The following WDR7 variants were observed in gnomAD, a reference collection of about 807,000 sequenced individuals.
WDR7 encodes WD repeat-containing protein 7.
In WDR7, 46 loss-of-function variants were observed where a neutral mutation model predicts 169.4. The ratio of observed to expected loss-of-function variants is 0.27; its 90% CI spans 0.21 to 0.35. The LOEUF (loss-of-function observed/expected upper bound fraction) is 0.35. Ranked by LOEUF, WDR7 falls within the 10% of genes least tolerant of loss-of-function variation. The probability of loss-of-function intolerance (pLI) is 1.00; values close to 1 mark genes in which losing one functional copy is unlikely to be tolerated. For missense variants in WDR7, 1,534 were observed against 1,859.3 expected (o/e 0.83, Z 3.22); for synonymous variants, 612 against 666.8 (o/e 0.92, Z 1.27).
At chr18:56,653,750 T>C (rs2024706866) in intron 1 of WDR7, among the ~76,000 whole-genome samples, 1 of 152,234 alleles carries the variant, frequency 6.6e-6, no homozygotes, top group South Asian at 2.1e-4. Flanking sequence ...TTTCAGAATG[T>C]ACATCTACTA....
chr18:56,905,023 T>C (rs996744119), intron 21 of WDR7, among the ~76,000 whole-genome samples: 21 of 152,178 alleles, frequency 1.4e-4, no homozygotes, highest in African/African-American at 5.1e-4. Flanking sequence ...TTAGAGAGTA[T>C]GAAAAAGGTA....
chr18:56,832,772 A>G (rs1405858067), intron 20 of WDR7, among the ~76,000 whole-genome samples: 1 of 152,162 alleles, frequency 6.6e-6, no homozygotes, highest in Non-Finnish European at 1.5e-5. Context: ...AAACTAACAA[A>G]CAGAAAGGAA....
intron 12 of WDR7, among the ~76,000 whole-genome samples, chr18:56,700,773 G>A: frequency 1.3e-5 from 2 of 150,432 alleles, no homozygotes; most frequent in African/African-American, 2.5e-5. Flanking sequence ...GTTTCACCGT[G>A]TTAGCCAGGA....
chr18:56,845,823 G>A (rs114765507), intron 20 of WDR7, among the ~76,000 whole-genome samples: 2,060 of 151,754 alleles, frequency 0.014, 58 homozygotes, highest in African/African-American at 0.047. Context: ...AACAAGAATC[G>A]ACAAAGAAAC....
At chr18:56,667,365 T>C (rs908133818) in intron 1 of WDR7, among the ~76,000 whole-genome samples, 1 of 152,314 alleles carries the variant, frequency 6.6e-6, no homozygotes, top group Middle Eastern at 3.4e-3. Context: ...CATATTTGGT[T>C]TATCTGTCTT....
intron 26 of WDR7, among the ~76,000 whole-genome samples, chr18:56,984,377 T>C (rs887458670): frequency 2.6e-5 from 4 of 152,204 alleles, no homozygotes; most frequent in South Asian, 4.1e-4. Context: ...TAGAATACAT[T>C]TAAATGTTAT....
intron 20 of WDR7, among the ~76,000 whole-genome samples, chr18:56,878,774 G>A (rs2046064300): frequency 6.6e-6 from 1 of 152,060 alleles, no homozygotes; most frequent in South Asian, 2.1e-4. Context: ...CTATGGATTT[G>A]CCTATTCTAA....
At position 56,694,644 on chromosome 18, in the gene WDR7, G is replaced by T; in HGVS notation, c.992G>T (p.Arg331Leu). 6.2e-7 allele frequency: 1 copy of T among 1,609,528 alleles called. No homozygotes were observed. Among genetic ancestry groups the T allele is most frequent in the Non-Finnish European group, 8.5e-7 (1 of 1,177,902 alleles). Residue 331 changes from arginine (R) to leucine (L), a missense_variant, in exon 10 of 28, where the codon CGG (arginine) becomes CTG (leucine). Coordinates refer to ENST00000254442, the MANE Select transcript of WDR7 (RefSeq NM_015285.3). The part of the protein sequence containing the change: ...KELLICPPVT[R>L]FFYGCREYFH... ...TTGCTAATTTGTCCTCCTGTTACTC[G>T]GTTCTTCTATGGATGCAGAGAATAT...
At chr18:56,674,257 G>A (rs1446931770) in intron 2 of WDR7, among the ~76,000 whole-genome samples, 2 of 152,188 alleles carry the variant, frequency 1.3e-5, no homozygotes, top group Admixed American at 1.3e-4. Flanking sequence ...CCCATCAGCA[G>A]TGCATGAGGG....
At chr18:57,020,653 C>A in intron 26 of WDR7, 92 bp from the exon 27 acceptor site, 2 of 1,139,818 alleles carry the variant, frequency 1.8e-6, no homozygotes, top group Non-Finnish European at 2.6e-6. Flanking sequence ...ATACCCATGA[C>A]GTAACTTGTT....
At chr18:56,943,382 T>G (rs943111753) in intron 25 of WDR7, among the ~76,000 whole-genome samples, 2 of 152,152 alleles carry the variant, frequency 1.3e-5, no homozygotes, top group African/African-American at 4.8e-5. Flanking sequence ...TTTTTTAAAA[T>G]GTGCTCTGGG....
chr18:56,693,978 TCCCACCACAGCCTCC>T (rs1377979201), intron 9 of WDR7, among the ~76,000 whole-genome samples: 8 of 151,602 alleles, frequency 5.3e-5, no homozygotes, highest in Non-Finnish European at 1.2e-4. Flanking sequence ...CAAGTGATGC[TCCCACCACAGCCTCC>T]TGAATACCTG....
intron 12 of WDR7, among the ~76,000 whole-genome samples, chr18:56,704,542 A>G (rs1317334971): frequency 6.6e-6 from 1 of 152,200 alleles, no homozygotes; most frequent in Non-Finnish European, 1.5e-5. Context: ...CTGTCATGCT[A>G]TGAATATTAT....
At chr18:56,984,276 A>T (rs1444274865) in intron 26 of WDR7, among the ~76,000 whole-genome samples, 2 of 152,222 alleles carry the variant, frequency 1.3e-5, no homozygotes, top group African/African-American at 4.8e-5. Flanking sequence ...TCCTACCCAT[A>T]AATTTTTACT....
intron 20 of WDR7, among the ~76,000 whole-genome samples, chr18:56,877,314 A>G (rs771889979): frequency 6.6e-6 from 1 of 152,170 alleles, no homozygotes; most frequent in Non-Finnish European, 1.5e-5. Context: ...ATTTATAATA[A>G]ATATTCCTTC....
intron 26 of WDR7, among the ~76,000 whole-genome samples, chr18:56,987,284 C>CA (rs2047736220): frequency 1.9e-5 from 1 of 51,352 alleles, no homozygotes; most frequent in Non-Finnish European, 4.0e-5. Flanking sequence ...ATCATCTGTA[C>CA]CAAAAAAAAA....
At chr18:56,792,380 G>T (rs1444663511) in intron 19 of WDR7, among the ~76,000 whole-genome samples, 1 of 152,128 alleles carries the variant, frequency 6.6e-6, no homozygotes, top group Non-Finnish European at 1.5e-5. Context: ...TGGGAATTCA[G>T]TGGAAAGAGT....
chr18:56,995,757 C>G (rs1194673904), intron 26 of WDR7, among the ~76,000 whole-genome samples: 1 of 152,222 alleles, frequency 6.6e-6, no homozygotes, highest in Non-Finnish European at 1.5e-5. Context: ...CCTCTGACCT[C>G]TGCCTCCTGT....
At chr18:56,669,082 G>T (rs558896177) in intron 1 of WDR7, among the ~76,000 whole-genome samples, 1 of 152,034 alleles carries the variant, frequency 6.6e-6, no homozygotes, top group Non-Finnish European at 1.5e-5. Flanking sequence ...AGATCACATA[G>T]AAGGGCCAGG....
Sources: gnomAD v4.1 joint callset for allele counts (sites outside exome capture counted in the v4.1 genomes callset) on GRCh38, gnomAD v4.1.1 for gene constraint, MANE v1.5 for transcripts, NCBI Gene and HGNC (gene_info 2026-07-23, HGNC 2026-07-21) for gene names.